The following NFIB variants were observed in gnomAD, a reference collection of about 807,000 sequenced individuals.
NFIB encodes the protein nuclear factor I B, also known as nuclear factor 1 B-type.
NFIB carries 11 observed loss-of-function variants against 61.5 expected under a neutral mutation model. The observed-to-expected ratio is 0.18, with a 90% CI of 0.11 to 0.30. The LOEUF (loss-of-function observed/expected upper bound fraction) is 0.30, where lower values mean the gene tolerates loss of function less well. NFIB is among the 10% of genes least tolerant of loss of function. The pLI, the probability that NFIB is intolerant of heterozygous loss-of-function variation, is 1.00. For missense variants in NFIB, 471 were observed against 608.9 expected (o/e 0.77, Z 2.38); for synonymous variants, 260 against 216.5 (o/e 1.20, Z -1.76).
intron 1 of NFIB, among the ~76,000 whole-genome samples, chr9:14,325,501 A>G (rs2060742078): frequency 6.6e-6 from 1 of 152,172 alleles, no homozygotes; most frequent in South Asian, 2.1e-4. Flanking sequence ...AATTATTTCT[A>G]AAAGGCTTGC....
At chr9:14,264,623 G>A (rs1030873136) in intron 2 of NFIB, among the ~76,000 whole-genome samples, 11 of 152,068 alleles carry the variant, frequency 7.2e-5, no homozygotes, top group African/African-American at 2.7e-4. Flanking sequence ...CATTCAAAGG[G>A]TCCGATCTGC....
At chr9:14,154,502 A>T (rs2043178602) in intron 4 of NFIB, among the ~76,000 whole-genome samples, 1 of 152,158 alleles carries the variant, frequency 6.6e-6, no homozygotes, top group Non-Finnish European at 1.5e-5. Context: ...CAAATGTTGG[A>T]TACCTTTGGA....
intron 7 of NFIB, among the ~76,000 whole-genome samples, chr9:14,123,913 T>C (rs2039295434): frequency 6.6e-6 from 1 of 152,120 alleles, no homozygotes; most frequent in Non-Finnish European, 1.5e-5. Context: ...TAGTTTGTTG[T>C]TCCTTCTTGT....
At chr9:14,453,328 T>C in the NFIB span, among the ~76,000 whole-genome samples, 279 of 152,352 alleles carry the variant, frequency 1.8e-3, 2 homozygotes, top group African/African-American at 6.4e-3. Flanking sequence ...AAATGAGATT[T>C]CTGCCAACCC....
chr9:14,470,486 C>A, the NFIB span, among the ~76,000 whole-genome samples: 15 of 152,098 alleles, frequency 9.9e-5, no homozygotes, highest in African/African-American at 3.1e-4. Flanking sequence ...TCCTATCTAC[C>A]TTTTACCCTT....
intron 1 of NFIB, among the ~76,000 whole-genome samples, chr9:14,355,889 G>A (rs901734446): frequency 6.6e-6 from 1 of 152,032 alleles, no homozygotes; most frequent in South Asian, 2.1e-4. Flanking sequence ...CCCGGGAGGC[G>A]GAGCTTGCAG....
At chr9:14,153,064 G>C (rs2043031591) in intron 4 of NFIB, among the ~76,000 whole-genome samples, 1 of 152,106 alleles carries the variant, frequency 6.6e-6, no homozygotes, top group Non-Finnish European at 1.5e-5. Context: ...ATAAATGTTT[G>C]AGATGACAGA....
chr9:14,395,714 A>C (rs2133042970), intron 1 of NFIB, among the ~76,000 whole-genome samples: 1 of 113,864 alleles, frequency 8.8e-6, no homozygotes, highest in African/African-American at 3.3e-5. Flanking sequence ...TCCCCCTCCC[A>C]TATTCTTTTG....
chr9:14,122,755 AT>A (rs2119182269), intron 7 of NFIB, among the ~76,000 whole-genome samples: 1 of 152,262 alleles, frequency 6.6e-6, no homozygotes, highest in African/African-American at 2.4e-5. Flanking sequence ...TTTGAGATTA[AT>A]TTGGCCTTAA....
At chr9:14,176,655 A>G (rs1413115232) in intron 3 of NFIB, among the ~76,000 whole-genome samples, 1 of 152,040 alleles carries the variant, frequency 6.6e-6, no homozygotes, top group African/African-American at 2.4e-5. Flanking sequence ...CAACACAGAA[A>G]CTCAAAGTAA....
At chr9:14,235,559 T>C (rs980725416) in intron 2 of NFIB, among the ~76,000 whole-genome samples, 2 of 152,246 alleles carry the variant, frequency 1.3e-5, no homozygotes, top group African/African-American at 4.8e-5. Flanking sequence ...TGGTTATATG[T>C]CACTTACCTA....
intron 3 of NFIB, among the ~76,000 whole-genome samples, chr9:14,163,824 A>G (rs1033591983): frequency 6.6e-6 from 1 of 151,996 alleles, no homozygotes; most frequent in Non-Finnish European, 1.5e-5. Context: ...CAACTTTAAC[A>G]AATCCCTAAA....
At chr9:14,258,308 T>C (rs2056424946) in intron 2 of NFIB, among the ~76,000 whole-genome samples, 1 of 152,224 alleles carries the variant, frequency 6.6e-6, no homozygotes, top group Admixed American at 6.5e-5. Flanking sequence ...TGCTGAATAA[T>C]TCAGCCCTTC....
At chr9:14,324,869 C>T (rs1365159978) in intron 1 of NFIB, among the ~76,000 whole-genome samples, 1 of 151,928 alleles carries the variant, frequency 6.6e-6, no homozygotes, top group Non-Finnish European at 1.5e-5. Flanking sequence ...TTAGATGATA[C>T]CTAAGGTTTA....
At position 14,161,321 on chromosome 9, in the gene NFIB, A is replaced by G. The variant is rs1380313101; in HGVS notation, c.617-5428T>C. 3.3e-5 allele frequency among the ~76,000 whole-genome samples: 5 copies of G among 152,146 alleles called. No homozygotes were observed. The East Asian group carries it at 9.6e-4, about 29-fold the overall frequency. On this transcript the variant is annotated intron_variant, in intron 3 of 10. Transcript: ENST00000380953. ...CTTCACAGAGATTAAATCTCAGCCT[A>G]TAGCCCAGGTTAACATTCAAATATT...
the NFIB span, among the ~76,000 whole-genome samples, chr9:14,523,365 G>A: frequency 6.6e-6 from 1 of 151,962 alleles, no homozygotes; most frequent in Non-Finnish European, 1.5e-5. Context: ...TTCTTCACAA[G>A]TGATTGGATA....
intron 2 of NFIB, among the ~76,000 whole-genome samples, chr9:14,183,393 C>T (rs2047014526): frequency 1.3e-5 from 2 of 150,884 alleles, no homozygotes; most frequent in South Asian, 2.1e-4. Flanking sequence ...GGTCTGGTGT[C>T]TGGGAAAAAA....
At chr9:14,213,199 G>A (rs1413606566) in intron 2 of NFIB, among the ~76,000 whole-genome samples, 2 of 152,120 alleles carry the variant, frequency 1.3e-5, no homozygotes, top group African/African-American at 2.4e-5. Flanking sequence ...CAGAAAGACT[G>A]GGCACAGTCA....
chr9:14,184,127 T>A (rs551241783), intron 2 of NFIB, among the ~76,000 whole-genome samples: 2 of 152,148 alleles, frequency 1.3e-5, no homozygotes, highest in Admixed American at 1.3e-4. Context: ...GTTTTTCCTA[T>A]GACCCAATTT....
Sources: allele counts gnomAD v4.1 joint callset (sites outside exome capture counted in the v4.1 genomes callset), GRCh38; gene constraint gnomAD v4.1.1; transcripts MANE v1.5; gene names NCBI Gene and HGNC (gene_info 2026-07-23, HGNC 2026-07-21).